Variants in SLC39A11 observed in about 807,000 individuals in gnomAD.
The protein encoded by SLC39A11 is zinc transporter ZIP11.
Under a neutral mutation model 36.1 loss-of-function variants are expected in SLC39A11, and 33 were observed. That is an observed-to-expected ratio of 0.91 (90% CI 0.69 to 1.22). SLC39A11 has a LOEUF of 1.22. Ranked by LOEUF, SLC39A11 falls within the 50% of genes most tolerant of loss-of-function variation. SLC39A11 has a pLI of 0.00. For synonymous variants in SLC39A11, 166 were observed against 170.3 expected (o/e 0.97, Z 0.20); for missense variants, 432 against 430.3 (o/e 1.00, Z -0.03).
chr17:73,065,129 G>T (rs1009599948), intron 3 of SLC39A11, among the ~76,000 whole-genome samples: 6 of 152,202 alleles, frequency 3.9e-5, no homozygotes, highest in African/African-American at 1.2e-4. Context: ...AAGAGGCCAG[G>T]CTCAGTGGCT....
chr17:72,647,011 C>T lies in SLC39A11; in HGVS notation c.*573G>A, dbSNP rs1437389746. 6.6e-6 allele frequency: 1 copy of T among 151,742 alleles called. No homozygotes were observed. The highest frequency in any genetic ancestry group is 1.5e-5 in the Non-Finnish European group (1 of 68,004). The allele number at this position is 151,742 out of a possible 1,614,324, so 9.4% of individuals were successfully genotyped here. ...CTTCCCTTTTTCTGTGTCCCCCTCC[C>T]ATGTAGTATCTCCTTAGGGGGAGGT... is the stretch of plus-strand genomic sequence containing the variant. On this transcript the variant is annotated 3_prime_UTR_variant, in exon 10 of 10. Coordinates refer to ENST00000255559, the MANE Select transcript of SLC39A11 (RefSeq NM_139177.4).
chr17:72,999,725 C>T (rs921924645), intron 4 of SLC39A11, among the ~76,000 whole-genome samples: 1 of 152,026 alleles, frequency 6.6e-6, no homozygotes, highest in African/African-American at 2.4e-5. Context: ...TTTTAGCTAT[C>T]CTGTATCTGT....
intron 6 of SLC39A11, among the ~76,000 whole-genome samples, chr17:72,757,643 A>AT (rs568776835): frequency 0.04 from 5,632 of 140,744 alleles, 313 homozygotes; most frequent in African/African-American, 0.13. Flanking sequence ...TGTCTGGCAC[A>AT]TTTTTTTTTT....
intron 6 of SLC39A11, among the ~76,000 whole-genome samples, chr17:72,773,434 TA>T (rs2076017749): frequency 6.6e-6 from 1 of 152,208 alleles, no homozygotes; most frequent in South Asian, 2.1e-4. Context: ...CTGATGGTTT[TA>T]TAAGGGGAAA....
intron 5 of SLC39A11, among the ~76,000 whole-genome samples, chr17:72,915,237 T>C (rs990829435): frequency 6.6e-6 from 1 of 152,056 alleles, no homozygotes; most frequent in African/African-American, 2.4e-5. Context: ...ACCACCTCCT[T>C]ATCAAATGCT....
intron 4 of SLC39A11, among the ~76,000 whole-genome samples, chr17:72,964,952 C>T (rs1041420365): frequency 8.5e-5 from 13 of 152,190 alleles, no homozygotes; most frequent in Admixed American, 2.6e-4. Context: ...GTCCTTTGTA[C>T]GGACACGGAT....
At chr17:72,679,902 C>T (rs555494593) in intron 7 of SLC39A11, among the ~76,000 whole-genome samples, 5 of 151,986 alleles carry the variant, frequency 3.3e-5, no homozygotes, top group South Asian at 4.2e-4. Flanking sequence ...ATTAGCTGGG[C>T]GTGGTGGCGC....
chr17:73,027,628 G>T (rs1235632711), intron 4 of SLC39A11, among the ~76,000 whole-genome samples: 1 of 152,204 alleles, frequency 6.6e-6, no homozygotes, highest in African/African-American at 2.4e-5. Context: ...CCAACAGAGG[G>T]ACAGATAAAT....
chr17:72,855,379 C>T (rs2079583920), intron 5 of SLC39A11, among the ~76,000 whole-genome samples: 1 of 152,112 alleles, frequency 6.6e-6, no homozygotes, highest in Non-Finnish European at 1.5e-5. Flanking sequence ...TGCTAATTAA[C>T]AGAACACTAG....
At chr17:72,707,976 T>C (rs968286223) in intron 7 of SLC39A11, among the ~76,000 whole-genome samples, 9 of 152,184 alleles carry the variant, frequency 5.9e-5, no homozygotes, top group African/African-American at 1.9e-4. Context: ...ATAACTACAC[T>C]ATAATAATTT....
intron 3 of SLC39A11, chr17:73,067,898 A>G: frequency 1.2e-6 from 2 of 1,608,092 alleles, no homozygotes; most frequent in Non-Finnish European, 1.7e-6. Flanking sequence ...GCAGTAATGT[A>G]AAACCAGTTT....
intron 6 of SLC39A11, among the ~76,000 whole-genome samples, chr17:72,754,721 C>A (rs1855104317): frequency 6.6e-6 from 1 of 152,188 alleles, no homozygotes; most frequent in African/African-American, 2.4e-5. Flanking sequence ...GCAGAGCCAA[C>A]CTTGGGAGCA....
intron 4 of SLC39A11, among the ~76,000 whole-genome samples, chr17:73,002,462 A>C (rs1233848299): frequency 6.6e-6 from 1 of 152,218 alleles, no homozygotes; most frequent in East Asian, 1.9e-4. Context: ...CTCTTACTTA[A>C]CATGTGCAAA....
At chr17:73,073,448 C>T (rs2060225140) in intron 3 of SLC39A11, among the ~76,000 whole-genome samples, 1 of 152,192 alleles carries the variant, frequency 6.6e-6, no homozygotes, top group Non-Finnish European at 1.5e-5. Flanking sequence ...GGGCAGGTAG[C>T]TCAAGGTCCT....
At chr17:72,845,422 C>G (rs927225993) in intron 6 of SLC39A11, among the ~76,000 whole-genome samples, 1 of 152,192 alleles carries the variant, frequency 6.6e-6, no homozygotes, top group Non-Finnish European at 1.5e-5. Context: ...GCTGTTCCCT[C>G]TGCCTAAAAC....
At chr17:72,660,824 G>A (rs558256398) in intron 7 of SLC39A11, among the ~76,000 whole-genome samples, 11 of 152,238 alleles carry the variant, frequency 7.2e-5, no homozygotes, top group Admixed American at 3.9e-4. Context: ...CAGCATCCTC[G>A]GCTCCTATCT....
At chr17:72,719,032 A>G (rs894658156) in intron 7 of SLC39A11, among the ~76,000 whole-genome samples, 9 of 151,972 alleles carry the variant, frequency 5.9e-5, no homozygotes, top group African/African-American at 9.7e-5. Context: ...TGAGCTTAAG[A>G]GTTGAAGACC....
In SLC39A11 at chr17:72,949,950, G is replaced by GAC. The variant is rs67207508; in HGVS notation, c.307-2077_307-2076dup. On this transcript the variant is annotated intron_variant, in intron 4 of 9. Transcript: ENST00000255559. Reference sequence around the variant, plus strand: ...CACAAAAGGGATACCAGGCTGCTGTGACACACACACACACACACACACACA... The same window carrying GAC: ...CACAAAAGGGATACCAGGCTGCTGTGACACACACACACACACACACACACACA... Among the ~76,000 whole-genome samples the GAC allele has an allele frequency of 2.7e-3, 395 of 146,238 alleles. 1 individual carries two copies. Among genetic ancestry groups the GAC allele is most frequent in the Middle Eastern group, 0.01 (3 of 288 alleles).
intron 3 of SLC39A11, among the ~76,000 whole-genome samples, chr17:73,077,070 A>C (rs1029670180): frequency 2.0e-5 from 3 of 152,086 alleles, no homozygotes; most frequent in African/African-American, 7.2e-5. Flanking sequence ...GCCCCAGCCA[A>C]TGTGTTGGCC....
Sources: gnomAD v4.1 joint callset for allele counts (sites outside exome capture counted in the v4.1 genomes callset) on GRCh38, gnomAD v4.1.1 for gene constraint, MANE v1.5 for transcripts, NCBI Gene and HGNC (gene_info 2026-07-23, HGNC 2026-07-21) for gene names.